The following CFAP61 variants were observed in gnomAD, a reference collection of about 807,000 sequenced individuals.
CFAP61 encodes cilia- and flagella-associated protein 61.
In CFAP61, 107 loss-of-function variants were observed where a neutral mutation model predicts 135.6. That is an observed-to-expected ratio of 0.79 (90% CI 0.67 to 0.93). The LOEUF (loss-of-function observed/expected upper bound fraction) is 0.93, where lower values mean the gene tolerates loss of function less well. Ranked by LOEUF, CFAP61 falls within the 40% of genes least tolerant of loss-of-function variation. The pLI is 0.00. For synonymous variants in CFAP61, 575 were observed against 578.5 expected (o/e 0.99, Z 0.09); for missense variants, 1,507 against 1,556.2 (o/e 0.97, Z 0.53).
intron 6 of CFAP61, among the ~76,000 whole-genome samples, chr20:20,082,057 A>T (rs2046467864): frequency 6.6e-6 from 1 of 152,196 alleles, no homozygotes; most frequent in Admixed American, 6.5e-5. Context: ...TGGAGATTGC[A>T]GTTGTGTGGA....
At position 20,052,590 on chromosome 20, in the gene CFAP61, A is replaced by G; in HGVS notation, c.-38A>G. The stretch of plus-strand genomic sequence containing the variant: ...GTGCGGCGTCCTGGAGCTGCGGATG[A>G]GGTGGGTAACGCCGTGCTGACTAGC... On this transcript the variant is annotated splice_region_variant and 5_prime_UTR_variant, in exon 1 of 27. Coordinates refer to ENST00000245957, the MANE Select transcript of CFAP61 (RefSeq NM_015585.4). 6.2e-7 allele frequency: 1 copy of G among 1,613,826 alleles called. No homozygotes were observed. The highest frequency in any genetic ancestry group is 8.5e-7 in the Non-Finnish European group (1 of 1,179,866).
At position 20,310,809 on chromosome 20, in the gene CFAP61, A is replaced by T. The variant is rs367631159; in HGVS notation, c.3422+12423A>T. On this transcript the variant is annotated intron_variant, in intron 25 of 26. Transcript: ENST00000245957. ...CCTGATTTCTGCCCCCTTCTGCTAC[A>T]GCTGACACCAAATACTGCCACAGCC... Among the ~76,000 whole-genome samples the T allele has an allele frequency of 3.3e-5, 5 of 152,356 alleles. No homozygotes were observed. In the South Asian group the frequency reaches 6.2e-4, roughly 19 times the overall value.
rs532112061 is a variant in CFAP61, at chr20:20,070,781, G to C, written c.144-73G>C. The C allele has an allele frequency of 5.1e-5, 74 of 1,442,046 alleles. No homozygotes were observed. The African/African-American group carries it at 9.5e-4, about 18-fold the overall frequency. The allele number at this position is 1,442,046 out of a possible 1,614,324, so 89.3% of individuals were successfully genotyped here. A position where few individuals can be genotyped will look rare whatever the true frequency, so the allele number is the denominator to read the frequency against. On this transcript the variant is annotated intron_variant, in intron 2 of 26. Transcript: ENST00000245957. ...GGCTGCTGAGCTCCAGTAGCCAGAG[G>C]GAAAAAAATGGCATGTCCTCACCTC...
At chr20:20,054,617 A>G (rs1568781717) in intron 1 of CFAP61, among the ~76,000 whole-genome samples, 1 of 152,232 alleles carries the variant, frequency 6.6e-6, no homozygotes, top group Non-Finnish European at 1.5e-5. Context: ...ACTGTGCTAC[A>G]ATGGCAGAGT....
chr20:20,083,581 T>C (rs2037658914), intron 6 of CFAP61, among the ~76,000 whole-genome samples: 2 of 152,212 alleles, frequency 1.3e-5, no homozygotes, highest in African/African-American at 2.4e-5. Context: ...CTTAAGGCAA[T>C]CATTTTAATG....
intron 17 of CFAP61, among the ~76,000 whole-genome samples, chr20:20,206,972 G>A (rs2056883976): frequency 6.6e-6 from 1 of 152,216 alleles, no homozygotes; most frequent in African/African-American, 2.4e-5. Flanking sequence ...GAAGGGCAAT[G>A]TCTCAACTGT....
intron 24 of CFAP61, among the ~76,000 whole-genome samples, chr20:20,296,318 CCTTCCTTCCCTTCCTTCCTTCCTTG>C: frequency 1.9e-5 from 1 of 53,174 alleles, no homozygotes; most frequent in Non-Finnish European, 3.3e-5. Flanking sequence ...TTCCTTCCCT[CCTTCCTTCCCTTCCTTCCTTCCTTG>C]CTTCCTTCCT....
rs1373735843 is a variant in CFAP61 at position 20,090,981 on chromosome 20, GTGAC to G, written c.699+9_699+12del. On this transcript the variant is annotated splice_donor_region_variant and intron_variant, in intron 7 of 26. Transcript: ENST00000245957. The stretch of plus-strand genomic sequence containing the variant: ...AATCATGCTGTTGTGTGTGAGGTCA[GTGAC>G]TGATTCATGTGGGAACACACTTAGT... The G allele has an allele frequency of 6.2e-7, 1 of 1,614,084 alleles. No homozygotes were observed. Among genetic ancestry groups the G allele is most frequent in the Non-Finnish European group, 8.5e-7 (1 of 1,179,974 alleles).
intron 13 of CFAP61, among the ~76,000 whole-genome samples, chr20:20,177,222 T>C (rs2054698195): frequency 6.6e-6 from 1 of 152,224 alleles, no homozygotes; most frequent in Non-Finnish European, 1.5e-5. Context: ...GCCCTTTCTT[T>C]TTTCATACAC....
intron 17 of CFAP61, among the ~76,000 whole-genome samples, chr20:20,203,628 T>G (rs2146900952): frequency 6.6e-6 from 1 of 152,314 alleles, no homozygotes; most frequent in Non-Finnish European, 1.5e-5. Flanking sequence ...ATGAGTATTA[T>G]GATCAGGAAA....
chr20:20,280,992 T>C (rs2054159219), intron 22 of CFAP61, among the ~76,000 whole-genome samples: 1 of 152,228 alleles, frequency 6.6e-6, no homozygotes, highest in Admixed American at 6.5e-5. Flanking sequence ...TTCGTTTTTT[T>C]AGTAGCCATT....
intron 15 of CFAP61, 53 bp downstream of exon 15, chr20:20,191,472 A>G (rs901796547): frequency 1.5e-6 from 2 of 1,369,168 alleles, no homozygotes; most frequent in South Asian, 2.4e-5. Flanking sequence ...CTATATCATG[A>G]ATTAGCCCAC....
intron 22 of CFAP61, among the ~76,000 whole-genome samples, chr20:20,285,422 T>C (rs931587801): frequency 6.6e-6 from 1 of 152,344 alleles, no homozygotes; most frequent in East Asian, 1.9e-4. Flanking sequence ...GGGATTCCAA[T>C]TACATATCTG....
At chr20:20,209,142 C>T (rs577113245) in intron 17 of CFAP61, among the ~76,000 whole-genome samples, 10 of 152,190 alleles carry the variant, frequency 6.6e-5, no homozygotes, top group Admixed American at 2.6e-4. Context: ...TTCTTCATGC[C>T]GAGGCCACAC....
chr20:20,337,847 G>A (rs1405500836), intron 25 of CFAP61, among the ~76,000 whole-genome samples: 1 of 152,134 alleles, frequency 6.6e-6, no homozygotes, highest in Non-Finnish European at 1.5e-5. Context: ...GTGACCAATG[G>A]AGAGGAGCAA....
chr20:20,158,176 G>A (rs915843408), intron 9 of CFAP61, among the ~76,000 whole-genome samples: 1 of 151,434 alleles, frequency 6.6e-6, no homozygotes, highest in Non-Finnish European at 1.5e-5. Context: ...CACCACCATG[G>A]CACATGTATA....
chr20:20,243,338 A>G (rs1191762297), intron 18 of CFAP61, among the ~76,000 whole-genome samples: 1 of 152,166 alleles, frequency 6.6e-6, no homozygotes, highest in Non-Finnish European at 1.5e-5. Flanking sequence ...GGGTGGAGAC[A>G]CAGAGCCAAA....
intron 13 of CFAP61, among the ~76,000 whole-genome samples, chr20:20,184,985 G>T (rs1245044662): frequency 6.6e-6 from 1 of 152,160 alleles, no homozygotes; most frequent in Non-Finnish European, 1.5e-5. Flanking sequence ...ATCCCAGAGG[G>T]AGGGCACGGG....
chr20:20,269,267 AT>A (rs2053144956), intron 21 of CFAP61, among the ~76,000 whole-genome samples: 1 of 149,496 alleles, frequency 6.7e-6, no homozygotes, highest in Non-Finnish European at 1.5e-5. Context: ...ATACATATAT[AT>A]TTCATTAAAA....
Sources: allele counts gnomAD v4.1 joint callset (sites outside exome capture counted in the v4.1 genomes callset), GRCh38; gene constraint gnomAD v4.1.1; transcripts MANE v1.5; gene names NCBI Gene and HGNC (gene_info 2026-07-23, HGNC 2026-07-21).